The following LIM2 variants were observed in gnomAD, a reference collection of about 807,000 sequenced individuals.
LIM2 encodes the protein lens intrinsic membrane protein 2.
A neutral mutation model predicts 19.0 loss-of-function variants in LIM2; 14 were observed. That is an observed-to-expected ratio of 0.74 (90% CI 0.49 to 1.15). The LOEUF (loss-of-function observed/expected upper bound fraction) is 1.15. Ranked by LOEUF, LIM2 falls within the 50% of genes most tolerant of loss-of-function variation. The probability of loss-of-function intolerance (pLI) is 0.00; values close to 1 mark genes in which losing one functional copy is unlikely to be tolerated. For missense variants in LIM2, 230 were observed against 243.5 expected (o/e 0.94, Z 0.37); for synonymous variants, 78 against 89.6 (o/e 0.87, Z 0.73).
chr19:51,386,146 C>T (rs150185846), intron 2 of LIM2, among the ~76,000 whole-genome samples: 3 of 151,192 alleles, frequency 2.0e-5, no homozygotes, highest in Non-Finnish European at 2.9e-5. Context: ...ATTTTTTAGA[C>T]AGAGTCTTCG....
At chr19:51,380,716 T>A in intron 3 of LIM2, 77 bp from the exon 4 acceptor site, 4 of 1,355,464 alleles carry the variant, frequency 3.0e-6, no homozygotes, top group Non-Finnish European at 3.0e-6. Flanking sequence ...GAGCTGATGA[T>A]GGGGGTGGGA....
At chr19:51,384,203 G>A (rs1026794158) in intron 2 of LIM2, among the ~76,000 whole-genome samples, 10 of 152,288 alleles carry the variant, frequency 6.6e-5, no homozygotes, top group African/African-American at 2.2e-4. Flanking sequence ...AGCCAAGGCA[G>A]GTGGATCACC....
At chr19:51,382,100 T>G (rs2123665643) in intron 3 of LIM2, among the ~76,000 whole-genome samples, 1 of 152,276 alleles carries the variant, frequency 6.6e-6, no homozygotes, top group Middle Eastern at 3.4e-3. Context: ...AAAGCATGGG[T>G]GGCCCAGGCA....
intron 4 of LIM2, 116 bp from the exon 5 acceptor site, chr19:51,380,378 CAT>C: frequency 1.3e-6 from 2 of 1,573,770 alleles, no homozygotes; most frequent in Non-Finnish European, 1.7e-6. Flanking sequence ...CCCCAGACTC[CAT>C]AGGCCTGGAG....
intron 2 of LIM2, among the ~76,000 whole-genome samples, chr19:51,384,658 C>T (rs913572345): frequency 6.6e-6 from 1 of 152,116 alleles, no homozygotes; most frequent in East Asian, 1.9e-4. Context: ...TGATTTTGCC[C>T]ACATCTTCAT....
At chr19:51,382,820 A>G (rs1008321336) in intron 2 of LIM2, among the ~76,000 whole-genome samples, 1 of 151,180 alleles carries the variant, frequency 6.6e-6, no homozygotes, top group South Asian at 2.1e-4. Context: ...AAGGGTTGTG[A>G]CTCTCTTTGT....
Position 51,387,257 on chromosome 19 carries a change from C to CG in LIM2, c.175+11dup, listed in dbSNP as rs776721409. The CG allele has an allele frequency of 3.7e-6, 6 of 1,614,016 alleles. No homozygotes were observed. The highest frequency in any genetic ancestry group is 2.2e-5 in the South Asian group (2 of 91,078). On this transcript the variant is annotated intron_variant, in intron 2 of 4. Transcript: ENST00000596399. Reference sequence around the variant, plus strand: ...CCCCAGGCGCGGCCTGGACCCTGGCCGGGGGGCTCACCGATGCTGTCTGTC... The same window carrying CG: ...CCCCAGGCGCGGCCTGGACCCTGGCCGGGGGGGCTCACCGATGCTGTCTGTC...
At chr19:51,387,032 G>A in intron 2 of LIM2, 1 of 751,722 alleles carries the variant, frequency 1.3e-6, no homozygotes, top group Non-Finnish European at 2.4e-6. Flanking sequence ...CACCTCTGAA[G>A]CGTCAGGAAA....
At chr19:51,383,536 A>C (rs947326277) in intron 2 of LIM2, among the ~76,000 whole-genome samples, 3 of 152,144 alleles carry the variant, frequency 2.0e-5, no homozygotes, top group African/African-American at 7.2e-5. Context: ...GAAATGAATT[A>C]ATGTTGAGCA....
chr19:51,380,678 G>T, intron 3 of LIM2, 39 bp from the exon 4 acceptor site: 1 of 1,612,942 alleles, frequency 6.2e-7, no homozygotes, highest in Non-Finnish European at 8.5e-7. Context: ...TGGGACTAAG[G>T]CTGGGTGTGA....
intron 3 of LIM2, among the ~76,000 whole-genome samples, chr19:51,381,100 C>G (rs952682122): frequency 4.6e-5 from 7 of 152,020 alleles, no homozygotes; most frequent in African/African-American, 1.7e-4. Flanking sequence ...CACTTGAGGT[C>G]AGGAGATCAA....
chr19:51,382,860 T>C (rs1986934593), intron 2 of LIM2, among the ~76,000 whole-genome samples: 1 of 152,012 alleles, frequency 6.6e-6, no homozygotes, highest in African/African-American at 2.4e-5. Context: ...GATTGCTCCT[T>C]GAAGACAGGC....
intron 2 of LIM2, among the ~76,000 whole-genome samples, chr19:51,386,747 TTA>T (rs1987062081): frequency 6.7e-6 from 1 of 150,116 alleles, no homozygotes; most frequent in Non-Finnish European, 1.5e-5. Context: ...ACATCATAAA[TTA>T]TATGTAATAA....
In LIM2 at chr19:51,385,982, G is replaced by A. The variant is rs1247315895; in HGVS notation, c.175+1287C>T. On this transcript the variant is annotated intron_variant, in intron 2 of 4. Transcript: ENST00000596399. ...ACTCTTACATACAATTGAACTGCCC[G>A]TAGTGTTGTTGGGGATGGAAGTGAG... Among the ~76,000 whole-genome samples, 7 of 152,138 alleles carry A rather than the reference G, an allele frequency of 4.6e-5. 1 individual carries two copies. In the South Asian group the frequency reaches 1.0e-3, roughly 23 times the overall value.
chr19:51,381,678 C>T (rs1986895697), intron 3 of LIM2, among the ~76,000 whole-genome samples: 1 of 152,134 alleles, frequency 6.6e-6, no homozygotes, highest in Non-Finnish European at 1.5e-5. Context: ...AAGTATAGCA[C>T]TTTCCTGCAT....
chr19:51,387,242 G>A (rs1322982322), intron 2 of LIM2, 27 bp downstream of exon 2: 6 of 1,614,066 alleles, frequency 3.7e-6, no homozygotes, highest in African/African-American at 2.7e-5. Context: ...CCCCAGGCGC[G>A]GCCTGGACCC....
intron 3 of LIM2, among the ~76,000 whole-genome samples, chr19:51,381,871 G>A (rs772825549): frequency 4.6e-5 from 7 of 152,070 alleles, no homozygotes; most frequent in African/African-American, 9.7e-5. Flanking sequence ...GACCACAGGC[G>A]CCCGACACCA....
chr19:51,385,689 G>A (rs1987021211), intron 2 of LIM2, among the ~76,000 whole-genome samples: 1 of 152,180 alleles, frequency 6.6e-6, no homozygotes, highest in African/African-American at 2.4e-5. Context: ...TGTCACAAAT[G>A]AGACAGCCAG....
At chr19:51,384,931 T>A (rs1986993622) in intron 2 of LIM2, among the ~76,000 whole-genome samples, 2 of 152,148 alleles carry the variant, frequency 1.3e-5, no homozygotes, top group Admixed American at 6.5e-5. Context: ...GGCTCTATCT[T>A]AGCTCACTGC....
Sources: allele counts gnomAD v4.1 joint callset (sites outside exome capture counted in the v4.1 genomes callset), GRCh38; gene constraint gnomAD v4.1.1; transcripts MANE v1.5; gene names NCBI Gene and HGNC (gene_info 2026-07-23, HGNC 2026-07-21).